Variants in JAK1 observed in about 807,000 individuals in gnomAD.
JAK1 encodes the protein Janus kinase 1, also known as tyrosine-protein kinase JAK1.
In JAK1, 16 loss-of-function variants were observed where a neutral mutation model predicts 136.6. The observed-to-expected ratio is 0.12, with a 90% CI of 0.08 to 0.18. The LOEUF is 0.18. Ranked by LOEUF, JAK1 falls within the 10% of genes least tolerant of loss-of-function variation. The pLI, the probability that JAK1 is intolerant of heterozygous loss-of-function variation, is 1.00. For synonymous variants in JAK1, 492 were observed against 519.5 expected (o/e 0.95, Z 0.72); for missense variants, 859 against 1,450.1 (o/e 0.59, Z 6.62).
chr1:64,852,755 A>G (rs539455554), intron 11 of JAK1, among the ~76,000 whole-genome samples: 1 of 152,228 alleles, frequency 6.6e-6, no homozygotes, highest in African/African-American at 2.4e-5. Context: ...TGGGGGCCAC[A>G]GTTGTGTCCT....
chr1:64,951,996 T>G (rs943482886), intron 1 of JAK1, among the ~76,000 whole-genome samples: 34 of 152,312 alleles, frequency 2.2e-4, no homozygotes, highest in African/African-American at 8.2e-4. Context: ...CAGTTGGTTG[T>G]TTGAAACTTG....
At chr1:65,031,026 C>T (rs374659232) in intron 2 of JAK1, among the ~76,000 whole-genome samples, 28 of 151,898 alleles carry the variant, frequency 1.8e-4, no homozygotes, top group African/African-American at 6.8e-4. Context: ...TGGGGGCGCA[C>T]ACCTGTAGTC....
At chr1:65,030,921 A>G (rs944951234) in intron 2 of JAK1, among the ~76,000 whole-genome samples, 14 of 152,052 alleles carry the variant, frequency 9.2e-5, no homozygotes, top group Non-Finnish European at 1.5e-4. Flanking sequence ...TGGGGGGCAG[A>G]GGTGGGTGGA....
In JAK1 at chr1:64,883,308, C is replaced by T. The variant is rs2101264257; in HGVS notation, c.174G>A (p.Glu58=). 2 of 1,614,084 alleles carry T rather than the reference C, an allele frequency of 1.2e-6. No homozygotes were observed. Among genetic ancestry groups the T allele is most frequent in the South Asian group, 2.2e-5 (2 of 91,070 alleles). The change falls in exon 3 of 25, where the codon GAG becomes GAA. Residue 58 remains glutamate (E), a synonymous_variant. Transcript: ENST00000342505. ...LRLGSGEYTA[E]ELCIRAAQAC... is the part of the protein sequence containing the mutation. ...CCTGTGCAGCCCTGATGCACAGTTC[C>T]TCTGCTGTGTACTCTCCACTGCCCA... is the stretch of plus-strand genomic sequence containing the variant.
At chr1:64,994,751 A>C (rs1646688732) in intron 2 of JAK1, among the ~76,000 whole-genome samples, 1 of 152,156 alleles carries the variant, frequency 6.6e-6, no homozygotes, top group Admixed American at 6.5e-5. Context: ...TTTGGAGCCC[A>C]GGATAAAGCA....
rs569745898 is a variant in JAK1 at position 64,839,019 on chromosome 1, G to A, written c.2843-430C>T. 3.1e-4 allele frequency among the ~76,000 whole-genome samples: 47 copies of A among 150,820 alleles called. No homozygotes were observed. In the South Asian group the frequency reaches 6.1e-3, roughly 20 times the overall value. Reference sequence around the variant, plus strand: ...AAATTAGCCGGGCGTGATGGCGGGCGCCTGTAGTCCCAGCTACTCGGGAGG... The same window carrying A: ...AAATTAGCCGGGCGTGATGGCGGGCACCTGTAGTCCCAGCTACTCGGGAGG... On this transcript the variant is annotated intron_variant, in intron 20 of 24. Transcript: ENST00000342505.
At chr1:64,886,467 G>A in intron 1 of JAK1, 126 bp from the exon 2 acceptor site, 28 of 506,596 alleles carry the variant, frequency 5.5e-5, no homozygotes, top group South Asian at 3.7e-4. Flanking sequence ...AGAGGAAGAA[G>A]GAAAAAAACA....
chr1:64,908,249 A>G (rs1645224134), intron 1 of JAK1, among the ~76,000 whole-genome samples: 1 of 152,202 alleles, frequency 6.6e-6, no homozygotes, highest in Non-Finnish European at 1.5e-5. Flanking sequence ...TAAGCCATAT[A>G]TAAGGCTTAT....
At chr1:65,032,018 T>A (rs375041718) in intron 2 of JAK1, among the ~76,000 whole-genome samples, 1 of 150,760 alleles carries the variant, frequency 6.6e-6, no homozygotes, top group African/African-American at 2.4e-5. Context: ...CAGACTTGAG[T>A]GCAGTGGCGC....
chr1:64,852,855 G>A (rs1182522013), intron 11 of JAK1, among the ~76,000 whole-genome samples: 1 of 152,166 alleles, frequency 6.6e-6, no homozygotes, highest in Non-Finnish European at 1.5e-5. Flanking sequence ...CTGACTGGTT[G>A]CCGCCGTGAT....
At chr1:64,969,314 G>C (rs948679939), upstream of JAK1, among the ~76,000 whole-genome samples, 1 of 151,882 alleles carries the variant, frequency 6.6e-6, no homozygotes, top group Non-Finnish European at 1.5e-5. Context: ...GTTGTAGTGG[G>C]GGTGTCCTGT....
intron 2 of JAK1, among the ~76,000 whole-genome samples, chr1:65,008,413 T>G (rs757994383): frequency 3.3e-5 from 5 of 152,146 alleles, no homozygotes; most frequent in Non-Finnish European, 7.3e-5. Flanking sequence ...AATGTCAAAC[T>G]AAAAGGTTTA....
rs576448308 is a variant in JAK1, at chr1:64,870,361, T to C, written c.484-887A>G. Among the ~76,000 whole-genome samples, 97 of 152,314 alleles carry C rather than the reference T, an allele frequency of 6.4e-4. 1 individual carries two copies. The highest frequency in any genetic ancestry group is 6.5e-4 in the Admixed American group (10 of 15,304). ...ATGGGCTAGATGTTATTCTAGGTGC[T>C]AGGGAAACAGCAATAAACTAAACCA... is the stretch of plus-strand genomic sequence containing the variant. On this transcript the variant is annotated intron_variant, in intron 5 of 24. Transcript: ENST00000342505.
At chr1:64,862,690 C>A (rs1371352810) in intron 8 of JAK1, among the ~76,000 whole-genome samples, 1 of 152,212 alleles carries the variant, frequency 6.6e-6, no homozygotes. Context: ...GTGCACCAGG[C>A]ATACACCACG....
chr1:64,847,969 G>C, intron 12 of JAK1: 1 of 334,576 alleles, frequency 3.0e-6, no homozygotes, highest in Admixed American at 4.4e-5. Flanking sequence ...AACATGTCAG[G>C]ACACTGCAAA....
intron 1 of JAK1, among the ~76,000 whole-genome samples, chr1:65,062,723 TTCC>T (rs745942687): frequency 6.6e-6 from 1 of 152,238 alleles, no homozygotes; most frequent in Non-Finnish European, 1.5e-5. Context: ...TATATCTTAT[TTCC>T]TCAAGTCAAC....
At chr1:64,859,405 G>C (rs975723635) in intron 9 of JAK1, among the ~76,000 whole-genome samples, 9 of 152,216 alleles carry the variant, frequency 5.9e-5, no homozygotes, top group African/African-American at 2.2e-4. Flanking sequence ...CTCACAGTCA[G>C]AGCTCCAATC....
At chr1:65,023,158 A>G (rs972207628) in intron 2 of JAK1, 1 of 152,140 alleles carries the variant, frequency 6.6e-6, no homozygotes, top group African/African-American at 2.4e-5. Context: ...GCTGAAGTAC[A>G]GTGGAGTGAT....
chr1:65,051,885 A>G (rs1208469542), intron 1 of JAK1, among the ~76,000 whole-genome samples: 2 of 152,234 alleles, frequency 1.3e-5, no homozygotes, highest in Non-Finnish European at 2.9e-5. Flanking sequence ...TATTTACATT[A>G]GAAGCATGTA....
Sources: allele counts gnomAD v4.1 joint callset (sites outside exome capture counted in the v4.1 genomes callset), GRCh38; gene constraint gnomAD v4.1.1; transcripts MANE v1.5; gene names NCBI Gene and HGNC (gene_info 2026-07-23, HGNC 2026-07-21).